ITGA3: variants seen among roughly 807,000 people sequenced by gnomAD.
The protein encoded by ITGA3 is integrin subunit alpha 3.
In ITGA3, 70 loss-of-function variants were observed where a neutral mutation model predicts 131.1. That is an observed-to-expected ratio of 0.53 (90% CI 0.44 to 0.65). The LOEUF (loss-of-function observed/expected upper bound fraction) is 0.65. Ranked by LOEUF, ITGA3 falls within the 30% of genes least tolerant of loss-of-function variation. The pLI, the probability that ITGA3 is intolerant of heterozygous loss-of-function variation, is 0.00. For missense variants in ITGA3, 1,098 were observed against 1,388.6 expected, an observed-to-expected ratio of 0.79 and a Z score of 3.33; for synonymous variants, 537 against 571.6, an observed-to-expected ratio of 0.94 and a Z score of 0.86.
At chr17:50,089,017 A>G (rs1909590088) in intron 25 of ITGA3, 93 bp from the exon 26 acceptor site, 1 of 915,984 alleles carries the variant, frequency 1.1e-6, no homozygotes, top group Non-Finnish European at 1.7e-6. Context: ...GGCTTTGAGG[A>G]GTTCTGGGTG....
intron 1 of ITGA3, among the ~76,000 whole-genome samples, chr17:50,057,013 G>C (rs1907858901): frequency 6.6e-6 from 1 of 152,216 alleles, no homozygotes; most frequent in Admixed American, 6.5e-5. Flanking sequence ...ACACCCAGCG[G>C]ACTCCCCCCT....
intron 1 of ITGA3, among the ~76,000 whole-genome samples, chr17:50,058,266 T>C (rs972682076): frequency 6.2e-4 from 95 of 152,260 alleles, no homozygotes; most frequent in Non-Finnish European, 1.3e-3. Flanking sequence ...CAACTTGATA[T>C]GGTAGAGGGA....
chr17:50,062,581 TATA>T (rs1479503135), intron 1 of ITGA3, among the ~76,000 whole-genome samples: 9 of 152,138 alleles, frequency 5.9e-5, no homozygotes, highest in Non-Finnish European at 1.2e-4. Flanking sequence ...TGTCTTGAAG[TATA>T]GGCAAGGTCC....
chr17:50,064,697 G>C lies in ITGA3; in HGVS notation c.414+90G>C. The C allele has an allele frequency of 1.9e-6, 2 of 1,080,116 alleles. No individual in the cohort carries two copies. 66.9% of individuals were successfully genotyped at this position (1,080,116 alleles called of 1,614,324 possible). On this transcript the variant is annotated intron_variant, in intron 3 of 25. Coordinates refer to ENST00000320031, the MANE Select transcript of ITGA3 (RefSeq NM_002204.4). This position sits in a 1 kb window ranked among gnomAD's most constrained non-coding sequence, Gnocchi z 4.4. The stretch of plus-strand genomic sequence containing the variant: ...GGAGGAAAGAAGAGGGCAGCAGGGG[G>C]GTCCACGGCGCGTGTGTGCTGGGGC...
intron 22 of ITGA3, 35 bp downstream of exon 22, chr17:50,080,410 C>T (rs764659918): frequency 7.5e-7 from 1 of 1,340,702 alleles, no homozygotes; most frequent in Non-Finnish European, 1.1e-6. Context: ...CTCCTACCAT[C>T]CACCCTGAGG....
intron 8 of ITGA3, 54 bp downstream of exon 8, chr17:50,074,058 C>A (rs1307107029): frequency 5.2e-6 from 8 of 1,553,030 alleles, no homozygotes; most frequent in Non-Finnish European, 6.2e-6. Context: ...ATGGGCCTTC[C>A]TTGCTTTCCT....
intron 6 of ITGA3, 82 bp downstream of exon 6, chr17:50,071,600 A>T (rs1031654314): frequency 7.8e-7 from 1 of 1,288,480 alleles, no homozygotes; most frequent in African/African-American, 1.5e-5. Context: ...AGGGGAGTGG[A>T]GGATTTGCAG....
intron 17 of ITGA3, 28 bp downstream of exon 17, chr17:50,078,153 G>T (rs534438711): frequency 1.1e-5 from 18 of 1,613,202 alleles, no homozygotes; most frequent in Non-Finnish European, 1.2e-5. Context: ...GCCAGTCTGG[G>T]TCAGGGCTGA....
intron 6 of ITGA3, chr17:50,071,756 G>A (rs1908643892): frequency 1.6e-6 from 1 of 617,644 alleles, no homozygotes; most frequent in Non-Finnish European, 2.8e-6. Flanking sequence ...GGATTGTTTG[G>A]GTTTGATTTG....
intron 1 of ITGA3, 193 bp from the exon 2 acceptor site, chr17:50,063,884 C>A: frequency 1.4e-6 from 1 of 698,938 alleles, no homozygotes; most frequent in African/African-American, 1.8e-5. Flanking sequence ...TCCCTGCTTC[C>A]CACTCCCGGG....
intron 4 of ITGA3, among the ~76,000 whole-genome samples, chr17:50,068,772 G>C (rs1456876033): frequency 6.6e-6 from 1 of 151,910 alleles, no homozygotes; most frequent in African/African-American, 2.4e-5. Flanking sequence ...AAAGTGCTGG[G>C]ATTATGGGCA....
chr17:50,087,815 G>A lies in ITGA3; in HGVS notation c.2991G>A (p.Val997=). ...PAEIELWLVL[V]AVGAGLLLLG... is the part of the protein sequence containing the mutation. ...AAATCGAGCTGTGGCTGGTGCTGGT[G>A]GCCGTGGGTGCAGGGCTGCTGCTGC... The change falls in exon 24 of 26, where the codon GTG becomes GTA. Residue 997 remains valine, a synonymous_variant. Transcript: ENST00000320031. 1 of 1,612,142 alleles carries A rather than the reference G, an allele frequency of 6.2e-7. No individual in the cohort carries two copies. Among genetic ancestry groups the A allele is most frequent in the Non-Finnish European group, 8.5e-7 (1 of 1,179,262 alleles).
Position 50,072,494 on chromosome 17 carries a change from A to G in ITGA3, c.1156+312A>G, listed in dbSNP as rs1266785963. 2.0e-5 allele frequency among the ~76,000 whole-genome samples: 3 copies of G among 151,702 alleles called. No homozygotes were observed. In the East Asian group the frequency reaches 5.8e-4, roughly 29 times the overall value. On this transcript the variant is annotated intron_variant, in intron 7 of 25. Transcript: ENST00000320031. ...TGTGGAAACTGGCCTGGTGTGCCCA[A>G]ATCTAGCGGGTGTAGAGTGTTCACA...
At chr17:50,067,050 GAGCCC>G (rs1397568255) in intron 3 of ITGA3, among the ~76,000 whole-genome samples, 2 of 152,064 alleles carry the variant, frequency 1.3e-5, no homozygotes, top group Non-Finnish European at 2.9e-5. Flanking sequence ...TGTGGTCTAG[GAGCCC>G]ATTTAAAGTG....
At position 50,079,431 on chromosome 17, in the gene ITGA3, C is replaced by T; in HGVS notation, c.2584-4C>T. The stretch of plus-strand genomic sequence containing the variant: ...TGCCAGCAAATCTCCTATTTCCTCT[C>T]CAGGACCCTGGGGACAGGCCATCAT... On this transcript the variant is annotated splice_region_variant and splice_polypyrimidine_tract_variant and intron_variant, in intron 20 of 25. Coordinates refer to ENST00000320031, the MANE Select transcript of ITGA3 (RefSeq NM_002204.4). The T allele has an allele frequency of 6.4e-7, 1 of 1,560,232 alleles. No homozygotes were observed. Among genetic ancestry groups the T allele is most frequent in the Non-Finnish European group, 8.7e-7 (1 of 1,152,300 alleles).
In ITGA3 at chr17:50,071,483, C is replaced by T. The variant is rs1212058031; in HGVS notation, c.924C>T (p.Gly308=). 4 of 1,611,620 alleles carry T rather than the reference C, an allele frequency of 2.5e-6. No homozygotes were observed. The highest frequency in any genetic ancestry group is 3.4e-6 in the Non-Finnish European group (4 of 1,179,870). ...GCTCGCAGGTGGGCGCCTATTTTGG[C>T]AGCGCCATTGCCCTGGCAGACCTGA... The part of the protein sequence containing the change: ...LEGSQVGAYF[G]SAIALADLNN... Residue 308 remains glycine, a synonymous_variant, in exon 6 of 26, where the codon GGC becomes GGT. Coordinates refer to ENST00000320031, the MANE Select transcript of ITGA3 (RefSeq NM_002204.4).
chr17:50,073,810 A>C, intron 7 of ITGA3, 106 bp from the exon 8 acceptor site: 2 of 791,844 alleles, frequency 2.5e-6, no homozygotes, highest in Admixed American at 1.9e-5. Flanking sequence ...CCCATCAATC[A>C]GGCCAAGATC....
In ITGA3 at chr17:50,087,854, C is replaced by T; in HGVS notation, c.3030C>T (p.Ile1010=). 6.3e-7 allele frequency: 1 copy of T among 1,596,700 alleles called. No homozygotes were observed. Among genetic ancestry groups the T allele is most frequent in the Non-Finnish European group, 8.5e-7 (1 of 1,171,254 alleles). The change falls in exon 24 of 26, where the codon ATC becomes ATT. Residue 1010 remains isoleucine, a synonymous_variant. Transcript: ENST00000320031. ...GGCTGCTGCTGCTGGGGCTGATCATCCTCCTGCTGTGGAAGGTTAGTAGCC... is the reference window on the plus strand; with the variant it reads ...GGCTGCTGCTGCTGGGGCTGATCATTCTCCTGCTGTGGAAGGTTAGTAGCC... ...GAGLLLLGLI[I]LLLWKCGFFK...
intron 8 of ITGA3, 35 bp downstream of exon 8, chr17:50,074,039 C>T: frequency 6.4e-7 from 1 of 1,566,680 alleles, no homozygotes; most frequent in Non-Finnish European, 8.8e-7. Flanking sequence ...GCTGCCCCCA[C>T]CAGCCGAGAT....
Sources: gnomAD v4.1 joint callset for allele counts (sites outside exome capture counted in the v4.1 genomes callset) on GRCh38, gnomAD v4.1.1 for gene constraint, Gnocchi (gnomAD v3.1) non-coding constraint, MANE v1.5 for transcripts, NCBI Gene and HGNC (gene_info 2026-07-23, HGNC 2026-07-21) for gene names.